AMMECR1L: variants seen among roughly 807,000 people sequenced by gnomAD.
The protein encoded by AMMECR1L is AMMECR1-like protein.
AMMECR1L carries 4 observed loss-of-function variants against 36.8 expected under a neutral mutation model. The observed-to-expected ratio is 0.11, with a 90% confidence interval of 0.05 to 0.25. AMMECR1L has a LOEUF of 0.25. AMMECR1L is among the 10% of genes least tolerant of loss of function. The pLI, the probability that AMMECR1L is intolerant of heterozygous loss-of-function variation, is 1.00. For missense variants in AMMECR1L, 232 were observed against 392.1 expected, an observed-to-expected ratio of 0.59 and a Z score of 3.45; for synonymous variants, 147 against 148.0, an observed-to-expected ratio of 0.99 and a Z score of 0.05.
At chr2:127,872,142 T>G (rs1691003224) in intron 3 of AMMECR1L, among the ~76,000 whole-genome samples, 1 of 149,622 alleles carries the variant, frequency 6.7e-6, no homozygotes, top group African/African-American at 2.5e-5. Flanking sequence ...TGAACCGAGA[T>G]TGTGCCACTG....
At position 127,873,668 on chromosome 2, in the gene AMMECR1L, A is replaced by G. The variant is rs1046091249; in HGVS notation, c.407+160T>C. 3.0e-6 allele frequency: 3 copies of G among 985,468 alleles called. No individual in the cohort carries two copies. In the East Asian group the frequency reaches 3.4e-4, roughly 112 times the overall value. The allele number at this position is 985,468 out of a possible 1,614,324, so 61.0% of individuals were successfully genotyped here. ...TCCCTTCCATTACTGAATCCACTGA[A>G]TGTTTTAAATATTCTCTGGACATTT... On this transcript the variant is annotated intron_variant, in intron 3 of 7. Transcript: ENST00000272647. This position sits in a 1 kb window ranked among gnomAD's most constrained non-coding sequence, Gnocchi z 5.2.
In AMMECR1L at chr2:127,865,478, CT is replaced by C. The variant is rs1690643067; in HGVS notation, c.822-274del. Among the ~76,000 whole-genome samples the C allele has an allele frequency of 6.6e-6, 1 of 152,010 alleles. No individual in the cohort carries two copies. Among genetic ancestry groups the C allele is most frequent in the East Asian group, 1.9e-4 (1 of 5,188 alleles). ...ACTACACGTGCTTATCATCAGGCTG[CT>C]CGTAAGCAATCCGCTACTGGGGTCT... On this transcript the variant is annotated intron_variant, in intron 7 of 7. Coordinates refer to ENST00000272647, the MANE Select transcript of AMMECR1L (RefSeq NM_001199140.2). The surrounding 1 kb of genome is among the most constrained non-coding windows in gnomAD (Gnocchi z 5.4).
chr2:127,875,192 G>A (rs1573552983), intron 2 of AMMECR1L, among the ~76,000 whole-genome samples: 1 of 152,020 alleles, frequency 6.6e-6, no homozygotes, highest in African/African-American at 2.4e-5. Context: ...AAAAGCCCGC[G>A]GTAAAAATGT....
Position 127,865,221 on chromosome 2 carries a change from G to C in AMMECR1L, c.822-16C>G, listed in dbSNP as rs368275829. 3.4e-5 allele frequency: 55 copies of C among 1,596,140 alleles called. No individual in the cohort carries two copies. In the African/African-American group the frequency reaches 5.4e-4, roughly 16 times the overall value. The stretch of plus-strand genomic sequence containing the variant: ...ACTTCGGTACCTGTATGAGGAAACA[G>C]GAAAGGGTATTAGGAACCCCAAACG... On this transcript the variant is annotated splice_polypyrimidine_tract_variant and intron_variant, in intron 7 of 7. Coordinates refer to ENST00000272647, the MANE Select transcript of AMMECR1L (RefSeq NM_001199140.2). This position sits in a 1 kb window ranked among gnomAD's most constrained non-coding sequence, Gnocchi z 5.4.
intron 2 of AMMECR1L, among the ~76,000 whole-genome samples, chr2:127,877,239 C>T (rs1691288757): frequency 6.6e-6 from 1 of 151,778 alleles, no homozygotes; most frequent in South Asian, 2.1e-4. Flanking sequence ...TCAAAAAGGG[C>T]TTCACTGAAT....
Position 127,874,208 on chromosome 2 carries a change from T to G in AMMECR1L, c.27A>C (p.Pro9=). 6.2e-7 allele frequency: 1 copy of G among 1,614,030 alleles called. No individual in the cohort carries two copies. The highest frequency in any genetic ancestry group is 8.5e-7 in the Non-Finnish European group (1 of 1,180,018). ...AGCCTGCTGCCAACTTGGGCTCGAG[T>G]GGAGGAACACAACGTCTTTTTCCCA... is the stretch of plus-strand genomic sequence containing the variant. MGKRRCVP[P]LEPKLAAGCC... Residue 9 remains proline (P), a synonymous_variant, in exon 3 of 8, where the codon CCA becomes CCC. Transcript: ENST00000272647. This position sits in a 1 kb window ranked among gnomAD's most constrained non-coding sequence, Gnocchi z 5.2.
chr2:127,875,326 T>C (rs1487721234), intron 2 of AMMECR1L, among the ~76,000 whole-genome samples: 1 of 152,064 alleles, frequency 6.6e-6, no homozygotes, highest in Non-Finnish European at 1.5e-5. Flanking sequence ...TACAGAAAAC[T>C]AAGTTTTCTC....
chr2:127,877,286 T>C (rs944231081), intron 2 of AMMECR1L, among the ~76,000 whole-genome samples: 4 of 150,806 alleles, frequency 2.7e-5, no homozygotes, highest in African/African-American at 9.7e-5. Context: ...GATGCTACCA[T>C]CATTTTACAT....
chr2:127,871,479 T>C lies in AMMECR1L; in HGVS notation c.408-120A>G, dbSNP rs1185022214. On this transcript the variant is annotated intron_variant, in intron 3 of 7. Transcript: ENST00000272647. This position sits in a 1 kb window ranked among gnomAD's most constrained non-coding sequence, Gnocchi z 4.3. ...TGCCAAAAATCCCTGTTTTTGGACT[T>C]GCCAGCTACCCGAAGGACTCTCTGC... 1.0e-6 allele frequency: 1 copy of C among 995,354 alleles called. No homozygotes were observed. Among genetic ancestry groups the C allele is most frequent in the Non-Finnish European group, 1.5e-6 (1 of 671,882 alleles). The allele number at this position is 995,354 out of a possible 1,614,324, so 61.7% of individuals were successfully genotyped here. A position where few individuals can be genotyped will look rare whatever the true frequency, so the allele number is the denominator to read the frequency against.
rs929453786 is a variant in AMMECR1L at position 127,865,777 on chromosome 2, G to A, written c.822-572C>T. Among the ~76,000 whole-genome samples, 8 of 152,192 alleles carry A rather than the reference G, an allele frequency of 5.3e-5. No homozygotes were observed. The highest frequency in any genetic ancestry group is 2.0e-4 in the Admixed American group (3 of 15,274). ...GATGAATATGCCATATCACAGGGTC[G>A]TCAGAACAGAATTCATAGCACTTTG... is the stretch of plus-strand genomic sequence containing the variant. On this transcript the variant is annotated intron_variant, in intron 7 of 7. Coordinates refer to ENST00000272647, the MANE Select transcript of AMMECR1L (RefSeq NM_001199140.2). This position sits in a 1 kb window ranked among gnomAD's most constrained non-coding sequence, Gnocchi z 5.4.
intron 7 of AMMECR1L, among the ~76,000 whole-genome samples, chr2:127,866,174 A>G (rs1403705519): frequency 6.6e-6 from 1 of 152,250 alleles, no homozygotes; most frequent in Non-Finnish European, 1.5e-5. Flanking sequence ...AAAAGCCCAT[A>G]GAAGCTAAAC....
chr2:127,885,288 G>C, intron 1 of AMMECR1L: 1 of 984,670 alleles, frequency 1.0e-6, no homozygotes, highest in South Asian at 4.7e-5. Context: ...CAGGGTGAAA[G>C]GTGAGAAACG....
rs1292122121 is a variant in AMMECR1L, at chr2:127,874,109, G to A, written c.126C>T (p.Pro42=). The A allele has an allele frequency of 6.8e-6, 11 of 1,614,012 alleles. No individual in the cohort carries two copies. Among genetic ancestry groups the A allele is most frequent in the South Asian group, 3.3e-5 (3 of 91,086 alleles). ...HSHGNQSTTV[P]GSSSGPLQNH... ...TTTGAAGAGGTCCTGAACTAGAGCC[G>A]GGGACAGTTGTGGACTGATTCCCGT... Residue 42 remains proline (P), a synonymous_variant, in exon 3 of 8, where the codon CCC becomes CCT. Coordinates refer to ENST00000272647, the MANE Select transcript of AMMECR1L (RefSeq NM_001199140.2). This position sits in a 1 kb window ranked among gnomAD's most constrained non-coding sequence, Gnocchi z 5.2.
chr2:127,872,018 G>A (rs1345371599), intron 3 of AMMECR1L, among the ~76,000 whole-genome samples: 2 of 151,814 alleles, frequency 1.3e-5, no homozygotes, highest in South Asian at 2.1e-4. Flanking sequence ...GCGAAACCCC[G>A]CCTCTACTAG....
rs751924614 is a variant in AMMECR1L, at chr2:127,873,972, G to A, written c.263C>T (p.Pro88Leu). 2 of 1,614,250 alleles carry A rather than the reference G, an allele frequency of 1.2e-6. No homozygotes were observed. The highest frequency in any genetic ancestry group is 2.2e-5 in the South Asian group (2 of 91,090). ...RMNPASGALS[P>L]LPRPNGTANT... ...GGCAGTTCCATTAGGCCGGGGAAGA[G>A]GGCTCAGCGCTCCCGATGCGGGATT... is the stretch of plus-strand genomic sequence containing the variant. Residue 88 changes from proline (P) to leucine (L), a missense_variant, in exon 3 of 8, where the codon CCT becomes CTT. By Grantham distance (98) the Pro-to-Leu change is moderately conservative. Transcript: ENST00000272647. This position sits in a 1 kb window ranked among gnomAD's most constrained non-coding sequence, Gnocchi z 5.2.
intron 2 of AMMECR1L, among the ~76,000 whole-genome samples, chr2:127,881,755 T>G (rs1211919046): frequency 6.6e-6 from 1 of 152,222 alleles, no homozygotes; most frequent in African/African-American, 2.4e-5. Flanking sequence ...GTGCTTACAA[T>G]TTCTAGAGGA....
At chr2:127,885,504 G>A in intron 1 of AMMECR1L, 2 of 984,288 alleles carry the variant, frequency 2.0e-6, no homozygotes, top group Non-Finnish European at 2.4e-6. Flanking sequence ...CTTCCTGGAG[G>A]GAGTGCAGAC....
intron 6 of AMMECR1L, among the ~76,000 whole-genome samples, chr2:127,868,178 A>G (rs1558991381): frequency 1.3e-5 from 2 of 152,218 alleles, no homozygotes; most frequent in Non-Finnish European, 1.5e-5. Context: ...CATTCTTAAC[A>G]GATAAAACCA....
chr2:127,874,047 T>G lies in AMMECR1L; in HGVS notation c.188A>C (p.Asn63Thr). The G allele has an allele frequency of 6.2e-7, 1 of 1,614,228 alleles. No individual in the cohort carries two copies. Among genetic ancestry groups the G allele is most frequent in the Middle Eastern group, 1.6e-4 (1 of 6,062 alleles). ...QHVDSSSGRE[N>T]VSDLTLGPGN... ...AGGTCCCAGAGTTAAGTCTGACACA[T>G]TCTCCCGTCCACTGCTGCTGTCCAC... is the stretch of plus-strand genomic sequence containing the variant. The change falls in exon 3 of 8, where the codon AAT becomes ACT. Residue 63 changes from asparagine (N) to threonine (T), a missense_variant. Physicochemically the swap from Asn to Thr is moderately conservative, Grantham distance 65. Around this residue, in one of 3 missense-constraint regions of AMMECR1L, gnomAD observed 109 missense variants for 128.1 expected, o/e 0.85. Coordinates refer to ENST00000272647, the MANE Select transcript of AMMECR1L (RefSeq NM_001199140.2). This position sits in a 1 kb window ranked among gnomAD's most constrained non-coding sequence, Gnocchi z 5.2.
Sources: allele counts gnomAD v4.1 joint callset (sites outside exome capture counted in the v4.1 genomes callset), GRCh38; gene constraint gnomAD v4.1.1; regional missense constraint gnomAD v4.1.1; non-coding constraint Gnocchi (gnomAD v3.1); transcripts MANE v1.5; gene names NCBI Gene and HGNC (gene_info 2026-07-23, HGNC 2026-07-21).